The following PARVB variants were observed in gnomAD, a reference collection of about 807,000 sequenced individuals.
The protein encoded by PARVB is beta-parvin.
In PARVB, 46 loss-of-function variants were observed where a neutral mutation model predicts 47.0. The ratio of observed to expected loss-of-function variants is 0.98; its 90% CI spans 0.77 to 1.25. The LOEUF is 1.25. Among genes scored for constraint, PARVB ranks in the 50% most tolerant of loss-of-function variants. The pLI, the probability that PARVB is intolerant of heterozygous loss-of-function variation, is 0.00. For synonymous variants in PARVB, 196 were observed against 196.3 expected, an observed-to-expected ratio of 1.00 and a Z score of 0.01; for missense variants, 473 against 471.6, an observed-to-expected ratio of 1.00 and a Z score of -0.03.
chr22:44,124,587 C>T (rs1023005250), intron 4 of PARVB, among the ~76,000 whole-genome samples: 1 of 146,480 alleles, frequency 6.8e-6, no homozygotes, highest in Non-Finnish European at 1.5e-5. Flanking sequence ...AGACAAGCCC[C>T]ATCCTGTGGG....
At chr22:44,163,803 G>C (rs186206312) in intron 11 of PARVB, 55 bp from the exon 12 acceptor site, 8 of 1,418,118 alleles carry the variant, frequency 5.6e-6, no homozygotes, top group Admixed American at 5.4e-5. Context: ...GCAGTGGGCC[G>C]TGTGTGGGAA....
intron 11 of PARVB, among the ~76,000 whole-genome samples, chr22:44,160,041 T>G (rs780268953): frequency 8.5e-5 from 13 of 152,228 alleles, no homozygotes; most frequent in African/African-American, 9.6e-5. Flanking sequence ...AATATCACAC[T>G]GGACAGCTCA....
rs966333602 is a variant in PARVB at position 44,140,414 on chromosome 22, A to C, written c.712+271A>C. On this transcript the variant is annotated intron_variant, in intron 8 of 12. Coordinates refer to ENST00000338758, the MANE Select transcript of PARVB (RefSeq NM_013327.5). ...GCTAGGGGAGCAGGAGGGGCCTGGG[A>C]TGTAACACTGGCTGGAACTGTCAGG... 1.6e-4 allele frequency: 119 copies of C among 723,616 alleles called. No homozygotes were observed. The Admixed American group carries it at 2.0e-3, about 12-fold the overall frequency. The allele number at this position is 723,616 out of a possible 1,614,324, so 44.8% of individuals were successfully genotyped here.
chr22:44,074,283 C>A (rs898664194), intron 1 of PARVB, among the ~76,000 whole-genome samples: 4 of 152,190 alleles, frequency 2.6e-5, no homozygotes, highest in African/African-American at 4.8e-5. Context: ...GTTGCCTGCA[C>A]GACGGCCTGG....
intron 1 of PARVB, among the ~76,000 whole-genome samples, chr22:44,051,166 A>G (rs6006632): frequency 0.68 from 103,564 of 152,102 alleles, 35,458 homozygotes; most frequent in East Asian, 0.84. Flanking sequence ...AAATCCTACC[A>G]CCAGCTCGTG....
intron 11 of PARVB, among the ~76,000 whole-genome samples, chr22:44,159,693 T>C (rs2054010751): frequency 6.6e-6 from 1 of 152,290 alleles, no homozygotes; most frequent in African/African-American, 2.4e-5. Flanking sequence ...AAGGTCTTCA[T>C]GAGCCCATAG....
rs904350839 is a variant in PARVB at position 44,068,534 on chromosome 22, T to G, written c.113-25394T>G. Among the ~76,000 whole-genome samples, 1 of 152,172 alleles carries G rather than the reference T, an allele frequency of 6.6e-6. No individual in the cohort carries two copies. Among genetic ancestry groups the G allele is most frequent in the Non-Finnish European group, 1.5e-5 (1 of 68,022 alleles). ...CCTCCGTGTCGGGGCAGCCTCAGCT[T>G]CTTCTTTCTGTGTCCGATATTTGAT... On this transcript the variant is annotated intron_variant, in intron 1 of 12. Transcript: ENST00000338758. The surrounding 1 kb of genome is among the most constrained non-coding windows in gnomAD (Gnocchi z 4.1).
intron 8 of PARVB, chr22:44,142,054 C>G (rs2053562179): frequency 6.6e-6 from 1 of 151,982 alleles, no homozygotes; most frequent in South Asian, 2.1e-4. Context: ...GGAGGAGGCT[C>G]AGAACCCCTT....
At chr22:44,031,286 G>A (rs1374841651) in intron 1 of PARVB, 2 of 152,136 alleles carry the variant, frequency 1.3e-5, no homozygotes, top group Non-Finnish European at 2.9e-5. Flanking sequence ...TTTCCTCTTG[G>A]GCTGAGAGGA....
intron 4 of PARVB, 32 bp downstream of exon 4, chr22:44,119,172 C>A: frequency 1.4e-6 from 2 of 1,409,346 alleles, no homozygotes; most frequent in Non-Finnish European, 1.0e-6. Context: ...CTCTGTCCCA[C>A]CCCCATCTCC....
intron 4 of PARVB, among the ~76,000 whole-genome samples, chr22:44,126,034 G>A (rs1169105377): frequency 6.6e-6 from 1 of 152,166 alleles, no homozygotes. Context: ...GGTTGGGAAG[G>A]CGGGGGTCTG....
At chr22:44,163,802 CGT>C in intron 11 of PARVB, 54 bp from the exon 12 acceptor site, 1 of 1,411,728 alleles carries the variant, frequency 7.1e-7, no homozygotes, top group Non-Finnish European at 9.9e-7. Flanking sequence ...AGCAGTGGGC[CGT>C]GTGTGGGAAC....
intron 2 of PARVB, among the ~76,000 whole-genome samples, chr22:44,010,952 C>T (rs1018053471): frequency 3.5e-5 from 5 of 141,890 alleles, no homozygotes; most frequent in Non-Finnish European, 4.5e-5. Flanking sequence ...AGTGCAGTGG[C>T]GCAATCTCAG....
At chr22:44,120,453 A>G (rs2053019114) in intron 4 of PARVB, among the ~76,000 whole-genome samples, 1 of 151,950 alleles carries the variant, frequency 6.6e-6, no homozygotes, top group Admixed American at 6.6e-5. Context: ...TCCCATCGGG[A>G]TCTGTCTGTC....
At chr22:44,131,147 C>G (rs1416200866) in intron 4 of PARVB, among the ~76,000 whole-genome samples, 2 of 147,154 alleles carry the variant, frequency 1.4e-5, no homozygotes, top group African/African-American at 2.5e-5. Context: ...CTCTCTCTCT[C>G]TCTCTCTTTC....
At chr22:44,141,266 G>A (rs143128374) in intron 8 of PARVB, 22 of 152,400 alleles carry the variant, frequency 1.4e-4, no homozygotes, top group African/African-American at 5.3e-4. Flanking sequence ...TAATACGATA[G>A]ATAGATATAT....
At chr22:44,035,526 G>A (rs1390165216) in intron 1 of PARVB, among the ~76,000 whole-genome samples, 1 of 151,908 alleles carries the variant, frequency 6.6e-6, no homozygotes, top group Admixed American at 6.6e-5. Context: ...ATGTGCCACC[G>A]TGCCCGGCTG....
chr22:44,131,388 C>T, intron 4 of PARVB, 99 bp from the exon 5 acceptor site: 2 of 1,277,964 alleles, frequency 1.6e-6, no homozygotes, highest in Non-Finnish European at 2.2e-6. Context: ...GTGATTCACC[C>T]ACCTCGGCCT....
At chr22:44,044,683 A>G (rs755747825) in intron 1 of PARVB, among the ~76,000 whole-genome samples, 5 of 151,072 alleles carry the variant, frequency 3.3e-5, no homozygotes, top group Admixed American at 6.6e-5. Context: ...ACGGGGTTTT[A>G]CCATGTTGGC....
Sources: allele counts gnomAD v4.1 joint callset (sites outside exome capture counted in the v4.1 genomes callset), GRCh38; gene constraint gnomAD v4.1.1; non-coding constraint Gnocchi (gnomAD v3.1); transcripts MANE v1.5; gene names NCBI Gene and HGNC (gene_info 2026-07-23, HGNC 2026-07-21).